DNAH3: variants seen among roughly 807,000 people sequenced by gnomAD.
DNAH3 encodes the protein axonemal beta dynein heavy chain 3.
DNAH3 carries 332 observed loss-of-function variants against 432.5 expected under a neutral mutation model. That is an observed-to-expected ratio of 0.77 (90% confidence interval 0.70 to 0.84). The LOEUF (loss-of-function observed/expected upper bound fraction) is 0.84. Ranked by LOEUF, DNAH3 falls within the 40% of genes least tolerant of loss-of-function variation. DNAH3 has a pLI of 0.00. For missense variants in DNAH3, 4,861 were observed against 5,114.0 expected, an observed-to-expected ratio of 0.95 and a Z score of 1.51; for synonymous variants, 1,956 against 1,900.2, an observed-to-expected ratio of 1.03 and a Z score of -0.76.
intron 18 of DNAH3, among the ~76,000 whole-genome samples, chr16:21,095,726 AAT>A (rs1172527340): frequency 2.6e-5 from 4 of 152,242 alleles, no homozygotes; most frequent in South Asian, 2.1e-4. Context: ...ATGTTTTTAA[AAT>A]ACAATACCTA....
chr16:21,000,516 G>C (rs776874745), exon 43 of DNAH3: 1 of 1,598,788 alleles, frequency 6.3e-7, no homozygotes, highest in Non-Finnish European at 8.5e-7. Flanking sequence ...TGAGTTCTGA[G>C]ACCTGTACCA....
chr16:21,047,452 T>C (rs1390027217), intron 31 of DNAH3, among the ~76,000 whole-genome samples: 1 of 152,198 alleles, frequency 6.6e-6, no homozygotes, highest in African/African-American at 2.4e-5. Context: ...ATACCCTTTC[T>C]TCCAGTTGAT....
At position 20,983,470 on chromosome 16, in the gene DNAH3, C is replaced by T. The variant is rs1416386878; in HGVS notation, c.7666-556G>A. 3.3e-5 allele frequency among the ~76,000 whole-genome samples: 5 copies of T among 152,218 alleles called. 1 individual carries two copies. The highest frequency in any genetic ancestry group is 4.1e-4 in the South Asian group (2 of 4,822). On this transcript the variant is annotated intron_variant, in intron 48 of 61. Coordinates refer to ENST00000261383, the Ensembl canonical transcript of DNAH3. ...CTCCCATACACACTATTGTTCCTTCCGCATCCTTCGGGTCACGTAGCCAGT... is the reference window on the plus strand; with the variant it reads ...CTCCCATACACACTATTGTTCCTTCTGCATCCTTCGGGTCACGTAGCCAGT...
chr16:21,045,148 G>A (rs1159538190), intron 31 of DNAH3, among the ~76,000 whole-genome samples: 1 of 150,846 alleles, frequency 6.6e-6, no homozygotes, highest in Admixed American at 6.6e-5. Flanking sequence ...TTTTTGTTGT[G>A]TCTCTGCCTG....
chr16:20,987,343 C>G, exon 47 of DNAH3: 1 of 1,614,160 alleles, frequency 6.2e-7, no homozygotes, highest in Non-Finnish European at 8.5e-7. Flanking sequence ...GAGGTGGTTT[C>G]CTTCACCATG....
At chr16:20,988,975 A>G (rs2086380791) in intron 44 of DNAH3, among the ~76,000 whole-genome samples, 1 of 152,158 alleles carries the variant, frequency 6.6e-6, no homozygotes, top group Non-Finnish European at 1.5e-5. Context: ...TGGCTTCAAG[A>G]GTGAAGTTGC....
At chr16:21,135,699 C>T (rs1274067680) in intron 6 of DNAH3, among the ~76,000 whole-genome samples, 1 of 151,674 alleles carries the variant, frequency 6.6e-6, no homozygotes, top group Non-Finnish European at 1.5e-5. Context: ...TGCACTTCAG[C>T]CTGGGCGACA....
intron 18 of DNAH3, among the ~76,000 whole-genome samples, chr16:21,096,449 T>C (rs2091683394): frequency 6.6e-6 from 1 of 152,064 alleles, no homozygotes; most frequent in African/African-American, 2.4e-5. Flanking sequence ...TCTGATTTTG[T>C]CCTCTGTTCT....
intron 59 of DNAH3, among the ~76,000 whole-genome samples, chr16:20,940,034 C>T (rs1405368663): frequency 6.6e-6 from 1 of 152,192 alleles, no homozygotes; most frequent in Admixed American, 6.5e-5. Context: ...GCCTATAATA[C>T]CCCTAACTGT....
chr16:21,104,490 C>T (rs2091904664), exon 16 of DNAH3: 1 of 1,613,944 alleles, frequency 6.2e-7, no homozygotes, highest in Non-Finnish European at 8.5e-7. Flanking sequence ...AGATCCATTT[C>T]TGCCTGATCC....
chr16:21,002,587 A>G (rs3103815), intron 42 of DNAH3, among the ~76,000 whole-genome samples: 76,382 of 151,660 alleles, frequency 0.5, 19,493 homozygotes, highest in South Asian at 0.61. Flanking sequence ...TCAGCCTCCC[A>G]AGTAGCTGGG....
At chr16:20,958,016 G>C (rs961977900) in intron 54 of DNAH3, among the ~76,000 whole-genome samples, 9 of 151,342 alleles carry the variant, frequency 5.9e-5, no homozygotes, top group African/African-American at 2.2e-4. Context: ...CCCCAGAAAT[G>C]TAGGATAGAG....
At chr16:21,109,734 CTTTT>C (rs557821553) in intron 14 of DNAH3, among the ~76,000 whole-genome samples, 1 of 143,634 alleles carries the variant, frequency 7.0e-6, no homozygotes, top group Non-Finnish European at 1.5e-5. Context: ...ATACCTCTCT[CTTTT>C]TTTTTTTTCT....
chr16:21,105,479 T>C (rs1345839242), intron 15 of DNAH3, among the ~76,000 whole-genome samples: 1 of 152,130 alleles, frequency 6.6e-6, no homozygotes, highest in Non-Finnish European at 1.5e-5. Flanking sequence ...AGATTACAGA[T>C]GGGCGGCCAG....
chr16:20,948,450 G>A (rs1359940895), intron 57 of DNAH3, 33 bp downstream of exon 57: 8 of 1,604,404 alleles, frequency 5.0e-6, no homozygotes, highest in Admixed American at 3.4e-5. Context: ...GCCCTGTGGG[G>A]GAAAGAGGTA....
At position 21,040,358 on chromosome 16, in the gene DNAH3, A is replaced by ATCTTTTTTTTTTTTTTTTTTTTTT. The variant is rs771791969; in HGVS notation, c.4639-416_4639-415insAAAAAAAAAAAAAAAAAAAAAAGA. ...TCAGAAGAATCCCAAAGCCAGACAG[A>ATCTTTTTTTTTTTTTTTTTTTTTT]TTTTTTTTTTTTTTTTTTTTTTTTT... On this transcript the variant is annotated intron_variant, in intron 32 of 61. Transcript: ENST00000261383. 6.3e-5 allele frequency among the ~76,000 whole-genome samples: 5 copies of ATCTTTTTTTTTTTTTTTTTTTTTT among 79,744 alleles called. 2 individuals carry two copies. The highest frequency in any genetic ancestry group is 2.3e-4 in the African/African-American group (4 of 17,760). The allele number at this position is 79,744 out of a possible 152,430, so 52.3% of individuals were successfully genotyped here.
At position 20,973,973 on chromosome 16, in the gene DNAH3, G is replaced by A. The variant is rs145211068; in HGVS notation, c.8259+1260C>T. On this transcript the variant is annotated intron_variant, in intron 51 of 61. Transcript: ENST00000261383. Reference sequence around the variant, plus strand: ...AGGAGACCAACATGGCCAGAGTACAGGGAATGAAGGAAAAGTGGTAAAACA... The same window carrying A: ...AGGAGACCAACATGGCCAGAGTACAAGGAATGAAGGAAAAGTGGTAAAACA... Among the ~76,000 whole-genome samples the A allele has an allele frequency of 6.3e-3, 958 of 152,238 alleles. 4 individuals are homozygous for A. Among genetic ancestry groups the A allele is most frequent in the Middle Eastern group, 0.027 (8 of 294 alleles).
At chr16:21,043,837 A>C (rs1484612017) in intron 31 of DNAH3, among the ~76,000 whole-genome samples, 2 of 122,462 alleles carry the variant, frequency 1.6e-5, no homozygotes, top group African/African-American at 6.4e-5. Flanking sequence ...TCCATCTTGA[A>C]TTGATTTTTG....
intron 49 of DNAH3, among the ~76,000 whole-genome samples, chr16:20,982,005 A>AAT (rs1040580290): frequency 6.8e-6 from 1 of 146,290 alleles, no homozygotes; most frequent in Admixed American, 6.8e-5. Flanking sequence ...TATAATATAT[A>AAT]ATATATATAA....
Sources: allele counts gnomAD v4.1 joint callset (sites outside exome capture counted in the v4.1 genomes callset), GRCh38; gene constraint gnomAD v4.1.1; transcripts MANE v1.5; gene names NCBI Gene and HGNC (gene_info 2026-07-23, HGNC 2026-07-21).